The following WEE2 variants were observed in gnomAD, a reference collection of about 807,000 sequenced individuals.
WEE2 encodes WEE2 oocyte meiosis inhibiting kinase, also known as wee1-like protein kinase 2.
WEE2 carries 50 observed loss-of-function variants against 60.1 expected under a neutral mutation model. The ratio of observed to expected loss-of-function variants is 0.83; its 90% CI spans 0.66 to 1.05. The LOEUF (loss-of-function observed/expected upper bound fraction) is 1.05. Among genes scored for constraint, WEE2 ranks in the 50% least tolerant of loss-of-function variants. The pLI is 0.00. For synonymous variants in WEE2, 240 were observed against 241.0 expected (o/e 1.00, Z 0.04); for missense variants, 631 against 684.3 (o/e 0.92, Z 0.87).
At chr7:141,721,383 G>A (rs1798907301) in intron 5 of WEE2, among the ~76,000 whole-genome samples, 2 of 152,176 alleles carry the variant, frequency 1.3e-5, no homozygotes, top group South Asian at 2.1e-4. Flanking sequence ...AGAAACCAGA[G>A]CTTTGGTGGC....
Position 141,730,374 on chromosome 7 carries a change from T to C in WEE2, c.*54T>C, listed in dbSNP as rs376383159. ...TGGCCTATGGATTACGAGGTTGCTG[T>C]TGCTGATTCCCCACCAAAGATCCCA... On this transcript the variant is annotated 3_prime_UTR_variant, in exon 12 of 12. Transcript: ENST00000397541. The C allele has an allele frequency of 1.4e-5, 21 of 1,539,130 alleles. No individual in the cohort carries two copies. The African/African-American group carries it at 2.5e-4, about 18-fold the overall frequency.
Position 141,716,225 on chromosome 7 carries a change from G to A in WEE2, c.543G>A (p.Glu181=), listed in dbSNP as rs1480515809. ...AACTTTTTTTTTCTTTTTTAAGTGA[G>A]GAAGCTGGTCCAGAGGAAGGCAAGG... The part of the protein sequence containing the change: ...GGKRKIRGDL[E]EAGPEEGKGG... The change falls in exon 3 of 12, where the codon GAG becomes GAA. Residue 181 remains glutamate (E), a synonymous_variant. Coordinates refer to ENST00000397541, the MANE Select transcript of WEE2 (RefSeq NM_001105558.1). The A allele has an allele frequency of 6.2e-7, 1 of 1,610,984 alleles. No individual in the cohort carries two copies. The highest frequency in any genetic ancestry group is 8.5e-7 in the Non-Finnish European group (1 of 1,178,932).
intron 8 of WEE2, 38 bp downstream of exon 8, chr7:141,724,313 T>C (rs1430105613): frequency 1.3e-6 from 2 of 1,553,612 alleles, no homozygotes; most frequent in Non-Finnish European, 1.8e-6. Context: ...TTATAATCTG[T>C]TGAACCTTTG....
chr7:141,708,947 G>T lies in WEE2; in HGVS notation c.189G>T (p.Val63=). The change falls in exon 1 of 12, where the codon GTG becomes GTT. Residue 63 remains valine (V), a synonymous_variant. Transcript: ENST00000397541. ...GTPPWTPLSN[V]HELDTSSEKD... Reference sequence around the variant, plus strand: ...CACCTTGGACTCCCCTTAGCAACGTGCATGAGCTCGACACATCTTCGGAAA... The same window carrying T: ...CACCTTGGACTCCCCTTAGCAACGTTCATGAGCTCGACACATCTTCGGAAA... The T allele has an allele frequency of 6.2e-7, 1 of 1,614,128 alleles. No individual in the cohort carries two copies. Among genetic ancestry groups the T allele is most frequent in the African/African-American group, 1.3e-5 (1 of 74,998 alleles).
chr7:141,727,545 T>C, intron 10 of WEE2, 99 bp downstream of exon 10: 1 of 1,450,908 alleles, frequency 6.9e-7, no homozygotes, highest in African/African-American at 1.4e-5. Context: ...CAAGTATAAA[T>C]ATATTCACCA....
chr7:141,726,589 T>C (rs1799022254), intron 9 of WEE2, among the ~76,000 whole-genome samples: 1 of 152,224 alleles, frequency 6.6e-6, no homozygotes, highest in Non-Finnish European at 1.5e-5. Flanking sequence ...TGCATTTAGT[T>C]GATATTTCAG....
chr7:141,725,984 CTTTA>C (rs1242278541), intron 9 of WEE2, among the ~76,000 whole-genome samples: 3 of 152,106 alleles, frequency 2.0e-5, no homozygotes, highest in Non-Finnish European at 4.4e-5. Context: ...TATAAGACTA[CTTTA>C]TTGATAATTG....
At chr7:141,727,644 T>G (rs1449010752) in intron 10 of WEE2, 198 bp downstream of exon 10, 1 of 576,008 alleles carries the variant, frequency 1.7e-6, no homozygotes, top group Non-Finnish European at 2.8e-6. Flanking sequence ...ATTAGGTTGC[T>G]TGAGAGAGAA....
rs1194584373 is a variant in WEE2 at position 141,715,846 on chromosome 7, T to TG, written c.540-372dup. On this transcript the variant is annotated intron_variant, in intron 2 of 11. Transcript: ENST00000397541. ...CTCTCTCTGTCTTGGTTTCCTAGTTTGGGGATAAAGATACCCATTTAACAG... is the reference window on the plus strand; with the variant it reads ...CTCTCTCTGTCTTGGTTTCCTAGTTTGGGGGATAAAGATACCCATTTAACAG... Among the ~76,000 whole-genome samples the TG allele has an allele frequency of 3.9e-5, 6 of 152,352 alleles. No homozygotes were observed. The East Asian group carries it at 9.6e-4, about 24-fold the overall frequency.
chr7:141,724,663 C>T (rs1798979307), intron 8 of WEE2, among the ~76,000 whole-genome samples: 1 of 152,166 alleles, frequency 6.6e-6, no homozygotes, highest in Non-Finnish European at 1.5e-5. Context: ...AGTCATTGCC[C>T]ATCTTCTCCA....
At chr7:141,720,469 G>T (rs1321018851) in intron 4 of WEE2, among the ~76,000 whole-genome samples, 1 of 152,036 alleles carries the variant, frequency 6.6e-6, no homozygotes, top group Non-Finnish European at 1.5e-5. Flanking sequence ...TCTAATGACT[G>T]CCTAGCCTTT....
At position 141,708,653 on chromosome 7, in the gene WEE2, C is replaced by A. The variant is rs1584735494; in HGVS notation, c.-106C>A. On this transcript the variant is annotated 5_prime_UTR_variant, in exon 1 of 12. Transcript: ENST00000397541. ...GGTAGAGGGAAATTCAGGCTACCGT[C>A]GCGAAACCTGCAGGTTAAGTTATTT... The A allele has an allele frequency of 1.1e-6, 1 of 942,926 alleles. No homozygotes were observed. The highest frequency in any genetic ancestry group is 1.6e-6 in the Non-Finnish European group (1 of 618,748). The allele number at this position is 942,926 out of a possible 1,614,324, so 58.4% of individuals were successfully genotyped here.
Position 141,709,001 on chromosome 7 carries a change from G to C in WEE2, c.243G>C (p.Leu81Phe). Residue 81 changes from leucine (L) to phenylalanine (F), a missense_variant, in exon 1 of 12, where the codon TTG (leucine) becomes TTC (phenylalanine). Leu to Phe is a conservative substitution (Grantham distance 22). Transcript: ENST00000397541. ...ACAAAGAAAGTCCAGATCAGATTTT[G>C]AGGACTCCAGTGTCACACCCTCTCA... The part of the protein sequence containing the change: ...EKDKESPDQI[L>F]RTPVSHPLKC... 6.2e-7 allele frequency: 1 copy of C among 1,614,140 alleles called. No homozygotes were observed.
At chr7:141,727,548 A>G (rs1461167120) in intron 10 of WEE2, 102 bp downstream of exon 10, 3 of 1,432,230 alleles carry the variant, frequency 2.1e-6, no homozygotes, top group Non-Finnish European at 2.8e-6. Context: ...GTATAAATAT[A>G]TTCACCATTA....
At position 141,711,422 on chromosome 7, in the gene WEE2, C is replaced by T. The variant is rs567948905; in HGVS notation, c.342+2322C>T. On this transcript the variant is annotated intron_variant, in intron 1 of 11. Coordinates refer to ENST00000397541, the MANE Select transcript of WEE2 (RefSeq NM_001105558.1). This position sits in a 1 kb window ranked among gnomAD's most constrained non-coding sequence, Gnocchi z 4.2. ...ACATACTTTATGAAAACACAGTTTG[C>T]GTTAGAGGAAAGAGGCTTGATGGCT... is the stretch of plus-strand genomic sequence containing the variant. Among the ~76,000 whole-genome samples, 62 of 152,150 alleles carry T rather than the reference C, an allele frequency of 4.1e-4. 1 individual carries two copies. In the South Asian group the frequency reaches 0.011, roughly 28 times the overall value.
chr7:141,720,138 CCTCTTTTTTTTT>C (rs1185579638), intron 4 of WEE2, among the ~76,000 whole-genome samples: 21 of 109,406 alleles, frequency 1.9e-4, no homozygotes, highest in African/African-American at 6.6e-4. Flanking sequence ...TTTTAGAATT[CCTCTTTTTTTTT>C]TTTTTTTTTT....
At chr7:141,715,744 C>A (rs1422705509) in intron 2 of WEE2, among the ~76,000 whole-genome samples, 1 of 152,138 alleles carries the variant, frequency 6.6e-6, no homozygotes, top group African/African-American at 2.4e-5. Flanking sequence ...CAGTGAGGAG[C>A]AAATGCTTTG....
At chr7:141,709,423 C>A (rs1336198401) in intron 1 of WEE2, among the ~76,000 whole-genome samples, 2 of 152,132 alleles carry the variant, frequency 1.3e-5, no homozygotes, top group East Asian at 3.9e-4. Context: ...TCCAGCTGTG[C>A]AGTTTACATA....
rs183835825 is a variant in WEE2, at chr7:141,720,415, G to T, written c.759-520G>T. Among the ~76,000 whole-genome samples, 214 of 152,122 alleles carry T rather than the reference G, an allele frequency of 1.4e-3. No homozygotes were observed. In the Middle Eastern group the frequency reaches 0.017, roughly 12 times the overall value. On this transcript the variant is annotated intron_variant, in intron 4 of 11. Coordinates refer to ENST00000397541, the MANE Select transcript of WEE2 (RefSeq NM_001105558.1). ...TCCATAAGGAATATCTCTCCCCAAG[G>T]CTATTCCTGTGAGTATATCATATTG...
Sources: gnomAD v4.1 joint callset for allele counts (sites outside exome capture counted in the v4.1 genomes callset) on GRCh38, gnomAD v4.1.1 for gene constraint, Gnocchi (gnomAD v3.1) non-coding constraint, MANE v1.5 for transcripts, NCBI Gene and HGNC (gene_info 2026-07-23, HGNC 2026-07-21) for gene names.